Variants in TANGO2 observed in about 807,000 individuals in gnomAD.
TANGO2 encodes the protein transport and golgi organization 2 homolog.
Under a neutral mutation model 39.1 loss-of-function variants are expected in TANGO2, and 26 were observed. That is an observed-to-expected ratio of 0.67 (90% CI 0.49 to 0.92). The LOEUF (loss-of-function observed/expected upper bound fraction) is 0.92, where lower values mean the gene tolerates loss of function less well. Among genes scored for constraint, TANGO2 ranks in the 40% least tolerant of loss-of-function variants. TANGO2 has a pLI of 0.00. For synonymous variants in TANGO2, 131 were observed against 144.5 expected (o/e 0.91, Z 0.67); for missense variants, 326 against 360.1 (o/e 0.91, Z 0.77).
intron 6 of TANGO2, among the ~76,000 whole-genome samples, chr22:20,059,339 C>T (rs1352103022): frequency 6.6e-6 from 1 of 152,216 alleles, no homozygotes; most frequent in East Asian, 1.9e-4. Flanking sequence ...CAGTGCTGCT[C>T]ACAGTGTGAC....
At position 20,033,784 on chromosome 22, in the gene TANGO2, G is replaced by A. The variant is rs572494737; in HGVS notation, c.-39-2976G>A. On this transcript the variant is annotated intron_variant, in intron 1 of 8. Transcript: ENST00000327374. ...CTTGGGTGCACTCCCAAAGCCCAGC[G>A]TGTTCCCCATCTTCCTGCACTGCAT... 2.6e-5 allele frequency among the ~76,000 whole-genome samples: 4 copies of A among 152,384 alleles called. No homozygotes were observed. The East Asian group carries it at 7.7e-4, about 29-fold the overall frequency.
At chr22:20,055,599 G>A (rs894803789) in intron 5 of TANGO2, 6 of 391,386 alleles carry the variant, frequency 1.5e-5, no homozygotes, top group African/African-American at 2.0e-5. Context: ...TTGGTGATGT[G>A]GGGATGGGGC....
chr22:20,063,256 G>T, intron 7 of TANGO2, 82 bp from the exon 8 acceptor site: 1 of 1,250,722 alleles, frequency 8.0e-7, no homozygotes, highest in Admixed American at 1.8e-5. Flanking sequence ...AGCCAGTTAG[G>T]CCACCAGGTG....
chr22:20,045,652 C>T (rs1280630407), intron 3 of TANGO2, among the ~76,000 whole-genome samples: 2 of 151,864 alleles, frequency 1.3e-5, no homozygotes, highest in African/African-American at 2.4e-5. Flanking sequence ...TACAGGCATG[C>T]ACCACCACAC....
At position 20,065,286 on chromosome 22, in the gene TANGO2, G is replaced by A. The variant is rs1423104178; in HGVS notation, c.*624G>A. The A allele has an allele frequency of 6.6e-6, 1 of 152,102 alleles. No individual in the cohort carries two copies. Among genetic ancestry groups the A allele is most frequent in the East Asian group, 1.9e-4 (1 of 5,172 alleles). The allele number at this position is 152,102 out of a possible 1,614,324, so 9.4% of individuals were successfully genotyped here. On this transcript the variant is annotated 3_prime_UTR_variant, in exon 9 of 9. Transcript: ENST00000327374. ...CTTGACAAGCAGACCTGCTCCTGCA[G>A]AGGAGACAGCCACATTTGGAATTGG...
rs2047585634 is a variant in TANGO2 at position 20,057,492 on chromosome 22, C to T, written c.451+1479C>T. On this transcript the variant is annotated intron_variant, in intron 6 of 8. Coordinates refer to ENST00000327374, the MANE Select transcript of TANGO2 (RefSeq NM_152906.7). This position sits in a 1 kb window ranked among gnomAD's most constrained non-coding sequence, Gnocchi z 4.1. ...CACCTGGGGCTTATCCTTCCGGCCA[C>T]CCTCTGTGACCCTGGTCTTCCCCTC... 6.6e-6 allele frequency among the ~76,000 whole-genome samples: 1 copy of T among 152,232 alleles called. No individual in the cohort carries two copies. The highest frequency in any genetic ancestry group is 1.5e-5 in the Non-Finnish European group (1 of 68,046).
intron 1 of TANGO2, 72 bp from the exon 2 acceptor site, chr22:20,036,688 C>T: frequency 7.7e-7 from 1 of 1,301,906 alleles, no homozygotes; most frequent in South Asian, 1.2e-5. Context: ...TCTGTTCTGG[C>T]CTGTTGCAGG....
At chr22:20,045,115 A>G (rs1330095379) in intron 3 of TANGO2, among the ~76,000 whole-genome samples, 2 of 152,106 alleles carry the variant, frequency 1.3e-5, no homozygotes, top group Admixed American at 1.3e-4. Context: ...TTGGGCCTGT[A>G]GCACCAGCTT....
chr22:20,041,029 CCAAAAGCAT>C lies in TANGO2; in HGVS notation c.57-2325_57-2317del, dbSNP rs1486366597. 2.6e-5 allele frequency among the ~76,000 whole-genome samples: 4 copies of C among 152,204 alleles called. No homozygotes were observed. The East Asian group carries it at 7.7e-4, about 29-fold the overall frequency. On this transcript the variant is annotated intron_variant, in intron 2 of 8. Transcript: ENST00000327374. Reference sequence around the variant, plus strand: ...GGCATGGCACAGTCCCTGGCAATGACCAAAAGCATTTCCCCAGTTCTGCTGGCAAGAAGC... The same window carrying C: ...GGCATGGCACAGTCCCTGGCAATGACTTCCCCAGTTCTGCTGGCAAGAAGC...
chr22:20,037,717 G>A (rs983286668), intron 2 of TANGO2, among the ~76,000 whole-genome samples: 1 of 152,174 alleles, frequency 6.6e-6, no homozygotes, highest in African/African-American at 2.4e-5. Context: ...TGCAGGGAAG[G>A]TGGAAGAAAT....
chr22:20,017,114 C>T (rs1276955226), upstream of TANGO2: 1 of 152,298 alleles, frequency 6.6e-6, no homozygotes, highest in African/African-American at 2.4e-5. Flanking sequence ...CCATCCAGCC[C>T]CGAGCAGGGA....
At chr22:20,052,740 G>C (rs1377179138) in intron 4 of TANGO2, among the ~76,000 whole-genome samples, 156 bp downstream of exon 4, 1 of 152,144 alleles carries the variant, frequency 6.6e-6, no homozygotes, top group African/African-American at 2.4e-5. Flanking sequence ...CTTGGGAGTG[G>C]GATGGGGCAG....
At chr22:20,027,338 C>T (rs2040959735) in intron 1 of TANGO2, among the ~76,000 whole-genome samples, 1 of 152,180 alleles carries the variant, frequency 6.6e-6, no homozygotes, top group Non-Finnish European at 1.5e-5. Context: ...CAAGCCAAAT[C>T]AGCCCATGTG....
Position 20,036,811 on chromosome 22 carries a change from T to A in TANGO2, c.13T>A (p.Phe5Ile), listed in dbSNP as rs779377653. The change falls in exon 2 of 9, where the codon TTC (phenylalanine) becomes ATC (isoleucine). Residue 5 changes from phenylalanine (F) to isoleucine (I), a missense_variant. Coordinates refer to ENST00000327374, the MANE Select transcript of TANGO2 (RefSeq NM_152906.7). Reference protein sequence around the residue: MCIIFFKFDPRPVSK... With the variant: MCIIIFKFDPRPVSK... ...GCCCTGCACCACCATGTGCATCATC[T>A]TCTTTAAGTTTGATCCTCGCCCTGT... 2.5e-6 allele frequency: 4 copies of A among 1,614,096 alleles called. No individual in the cohort carries two copies. The highest frequency in any genetic ancestry group is 1.7e-6 in the Non-Finnish European group (2 of 1,180,050).
chr22:20,061,248 C>G (rs1432627322), intron 6 of TANGO2: 1 of 312,638 alleles, frequency 3.2e-6, no homozygotes, highest in African/African-American at 2.2e-5. Context: ...TCTCAGGTTG[C>G]TCATTTCTTA....
chr22:20,017,659 T>A (rs1945293730), upstream of TANGO2, among the ~76,000 whole-genome samples: 1 of 152,162 alleles, frequency 6.6e-6, no homozygotes. Context: ...ACTGTCCCAT[T>A]TTCTTCACCC....
chr22:20,035,962 T>C (rs1011054022), intron 1 of TANGO2, among the ~76,000 whole-genome samples: 2 of 152,152 alleles, frequency 1.3e-5, no homozygotes, highest in African/African-American at 4.8e-5. Flanking sequence ...CGGCCTCCAC[T>C]TTCCCCGCAC....
rs1438114095 is a variant in TANGO2 at position 20,065,456 on chromosome 22, C to T, written c.*794C>T. On this transcript the variant is annotated 3_prime_UTR_variant, in exon 9 of 9. Transcript: ENST00000327374. Reference sequence around the variant, plus strand: ...TCCCAAGTTCAAGCAATTCTCCTGCCCCAGCCTCCTGATTAGCTGGGATTA... The same window carrying T: ...TCCCAAGTTCAAGCAATTCTCCTGCTCCAGCCTCCTGATTAGCTGGGATTA... 6.6e-6 allele frequency: 1 copy of T among 152,398 alleles called. No individual in the cohort carries two copies. The highest frequency in any genetic ancestry group is 1.9e-4 in the East Asian group (1 of 5,184). 9.4% of individuals were successfully genotyped at this position (152,398 alleles called of 1,614,324 possible).
At chr22:20,053,074 C>G (rs1329586181) in intron 4 of TANGO2, among the ~76,000 whole-genome samples, 1 of 152,302 alleles carries the variant, frequency 6.6e-6, no homozygotes, top group South Asian at 2.1e-4. Flanking sequence ...GCATGGCACT[C>G]CTGACTGCTG....
Sources: gnomAD v4.1 joint callset for allele counts (sites outside exome capture counted in the v4.1 genomes callset) on GRCh38, gnomAD v4.1.1 for gene constraint, Gnocchi (gnomAD v3.1) non-coding constraint, MANE v1.5 for transcripts, NCBI Gene and HGNC (gene_info 2026-07-23, HGNC 2026-07-21) for gene names.